The following FGF12 variants were observed in gnomAD, a reference collection of about 807,000 sequenced individuals.
The protein encoded by FGF12 is fibroblast growth factor 12.
In FGF12, 14 loss-of-function variants were observed where a neutral mutation model predicts 23.6. The ratio of observed to expected loss-of-function variants is 0.59; its 90% CI spans 0.39 to 0.93. The LOEUF (loss-of-function observed/expected upper bound fraction) is 0.93, where lower values mean the gene tolerates loss of function less well. FGF12 is among the 40% of genes least tolerant of loss of function. The pLI is 0.00. For missense variants in FGF12, 175 were observed against 217.8 expected (o/e 0.80, Z 1.24); for synonymous variants, 62 against 77.3 (o/e 0.80, Z 1.04).
At chr3:192,554,664 C>G (rs1711682966) in intron 2 of FGF12, among the ~76,000 whole-genome samples, 2 of 151,444 alleles carry the variant, frequency 1.3e-5, no homozygotes, top group Non-Finnish European at 2.9e-5. Context: ...ACATAATAAA[C>G]AGAGAAACAT....
At chr3:192,277,768 G>A (rs1444266886) in intron 4 of FGF12, among the ~76,000 whole-genome samples, 1 of 152,024 alleles carries the variant, frequency 6.6e-6, no homozygotes, top group East Asian at 1.9e-4. Flanking sequence ...ACATTTCCCT[G>A]TTTTCTTTTT....
chr3:192,719,307 A>G (rs1050416059), intron 2 of FGF12, among the ~76,000 whole-genome samples: 14 of 152,156 alleles, frequency 9.2e-5, no homozygotes, highest in African/African-American at 3.4e-4. Flanking sequence ...CAATCAACCA[A>G]TGGTCTCATT....
At chr3:192,233,016 T>G (rs141552244) in intron 4 of FGF12, among the ~76,000 whole-genome samples, 4 of 152,300 alleles carry the variant, frequency 2.6e-5, no homozygotes, top group African/African-American at 9.6e-5. Flanking sequence ...GTGAACATAT[T>G]ACTATGTGTA....
intron 2 of FGF12, among the ~76,000 whole-genome samples, chr3:192,410,759 C>T (rs2108778302): frequency 6.6e-6 from 1 of 152,184 alleles, no homozygotes; most frequent in East Asian, 1.9e-4. Context: ...ACTCCAGGTG[C>T]GGCGAGGGAG....
intron 2 of FGF12, among the ~76,000 whole-genome samples, chr3:192,518,643 A>T (rs2108844585): frequency 6.6e-6 from 1 of 152,276 alleles, no homozygotes; most frequent in East Asian, 1.9e-4. Context: ...ATTTATTTTC[A>T]CAAAGAAACC....
chr3:192,595,185 C>T (rs1713787067), intron 2 of FGF12, among the ~76,000 whole-genome samples: 1 of 152,176 alleles, frequency 6.6e-6, no homozygotes, highest in African/African-American at 2.4e-5. Flanking sequence ...AACCAGCTGT[C>T]ATCTTACTAA....
intron 4 of FGF12, among the ~76,000 whole-genome samples, chr3:192,307,285 T>C (rs1409435543): frequency 6.6e-6 from 1 of 152,192 alleles, no homozygotes; most frequent in Admixed American, 6.5e-5. Context: ...GTAATTAACA[T>C]GTTATCTATG....
rs1479648917 is a variant in FGF12, at chr3:192,172,925, T to C, written c.229-2269A>G. The stretch of plus-strand genomic sequence containing the variant: ...GAATGGATAAATACAGTGTGATAGT[T>C]CTACAGAATGCAACTGTAATACCAT... On this transcript the variant is annotated intron_variant, in intron 4 of 5. Coordinates refer to ENST00000445105, the MANE Select transcript of FGF12 (RefSeq NM_004113.6). Among the ~76,000 whole-genome samples, 12 of 151,020 alleles carry C rather than the reference T, an allele frequency of 7.9e-5. 1 individual carries two copies. The highest frequency in any genetic ancestry group is 2.9e-4 in the African/African-American group (12 of 41,302).
At chr3:192,529,046 T>C (rs1275111529) in intron 2 of FGF12, among the ~76,000 whole-genome samples, 1 of 152,240 alleles carries the variant, frequency 6.6e-6, no homozygotes, top group African/African-American at 2.4e-5. Flanking sequence ...TCATTACTTA[T>C]GCAAATGTAT....
chr3:192,273,695 C>T (rs578227343), intron 4 of FGF12, among the ~76,000 whole-genome samples: 2 of 152,254 alleles, frequency 1.3e-5, no homozygotes, highest in South Asian at 2.1e-4. Context: ...TGACACTGGG[C>T]GTGTCAAGGC....
At chr3:192,479,854 C>T (rs1213857299) in intron 2 of FGF12, among the ~76,000 whole-genome samples, 1 of 152,038 alleles carries the variant, frequency 6.6e-6, no homozygotes, top group Non-Finnish European at 1.5e-5. Context: ...AATAAGATTA[C>T]AGGTAATGAA....
chr3:192,342,702 G>C (rs1431071834), intron 3 of FGF12, among the ~76,000 whole-genome samples: 1 of 152,088 alleles, frequency 6.6e-6, no homozygotes, highest in Admixed American at 6.5e-5. Context: ...CCTGCACCCA[G>C]GAATTCAAGG....
chr3:192,490,941 A>C (rs1394605410), intron 2 of FGF12, among the ~76,000 whole-genome samples: 1 of 150,924 alleles, frequency 6.6e-6, no homozygotes, highest in Non-Finnish European at 1.5e-5. Context: ...TCTGTTTTCT[A>C]ATCTACGTCA....
Position 192,345,398 on chromosome 3 carries a change from A to G in FGF12, c.125-9934T>C, listed in dbSNP as rs186984149. Among the ~76,000 whole-genome samples the G allele has an allele frequency of 3.6e-4, 48 of 133,632 alleles. 10 individuals carry two copies. The highest frequency in any genetic ancestry group is 3.6e-3 in the Middle Eastern group (1 of 276). 87.7% of individuals were successfully genotyped at this position (133,632 alleles called of 152,430 possible). A position where few individuals can be genotyped will look rare whatever the true frequency, so the allele number is the denominator to read the frequency against. The stretch of plus-strand genomic sequence containing the variant: ...TGTAAAATATTGTTGCTCTTAAGAT[A>G]TAACATAGGCCGGGCGCGGTGGCTC... On this transcript the variant is annotated intron_variant, in intron 3 of 5. Coordinates refer to ENST00000445105, the MANE Select transcript of FGF12 (RefSeq NM_004113.6).
chr3:192,285,735 G>A (rs1362970827), intron 4 of FGF12, among the ~76,000 whole-genome samples: 1 of 151,964 alleles, frequency 6.6e-6, no homozygotes, highest in Non-Finnish European at 1.5e-5. Context: ...TTTCATGGCT[G>A]CCTTTAGTAA....
intron 2 of FGF12, among the ~76,000 whole-genome samples, chr3:192,480,125 G>A (rs899436644): frequency 3.9e-5 from 6 of 152,122 alleles, no homozygotes. Context: ...CTGTGGGGAT[G>A]GAGACAAAGA....
At chr3:192,312,431 T>C (rs571427824) in intron 4 of FGF12, among the ~76,000 whole-genome samples, 3 of 151,454 alleles carry the variant, frequency 2.0e-5, no homozygotes, top group African/African-American at 7.3e-5. Flanking sequence ...TCTGCTACCA[T>C]TCAGATTTCT....
intron 4 of FGF12, among the ~76,000 whole-genome samples, chr3:192,225,789 C>T (rs6782748): frequency 0.027 from 4,085 of 152,106 alleles, 187 homozygotes; most frequent in African/African-American, 0.093. Flanking sequence ...AAAAAGGACA[C>T]GTGGACACAT....
chr3:192,264,977 C>T (rs1712989541), intron 4 of FGF12, among the ~76,000 whole-genome samples: 1 of 152,136 alleles, frequency 6.6e-6, no homozygotes, highest in African/African-American at 2.4e-5. Context: ...ATCATCAATG[C>T]TTTCTAAGGA....
Sources: gnomAD v4.1 joint callset for allele counts (sites outside exome capture counted in the v4.1 genomes callset) on GRCh38, gnomAD v4.1.1 for gene constraint, MANE v1.5 for transcripts, NCBI Gene and HGNC (gene_info 2026-07-23, HGNC 2026-07-21) for gene names.